Variants in CSGALNACT1 observed in about 807,000 individuals in gnomAD.
CSGALNACT1 encodes chondroitin sulfate N-acetylgalactosaminyltransferase 1.
Under a neutral mutation model 51.0 loss-of-function variants are expected in CSGALNACT1, and 52 were observed. The ratio of observed to expected loss-of-function variants is 1.02; its 90% CI spans 0.82 to 1.29. The LOEUF is 1.29. Among genes scored for constraint, CSGALNACT1 ranks in the 50% most tolerant of loss-of-function variants. The pLI is 0.00. For missense variants in CSGALNACT1, 935 were observed against 679.2 expected (o/e 1.38, Z -4.19); for synonymous variants, 341 against 254.4 (o/e 1.34, Z -3.24).
intron 1 of CSGALNACT1, among the ~76,000 whole-genome samples, chr8:19,750,944 T>C (rs1226007168): frequency 2.0e-5 from 3 of 152,260 alleles, no homozygotes; most frequent in East Asian, 3.9e-4. Context: ...TTGCTCTACA[T>C]TGCATTTTTG....
intron 4 of CSGALNACT1, among the ~76,000 whole-genome samples, chr8:19,503,320 C>G (rs1027865878): frequency 6.6e-6 from 1 of 152,146 alleles, no homozygotes; most frequent in Admixed American, 6.6e-5. Flanking sequence ...AAAAGAAGGT[C>G]AGCCAAGCCT....
chr8:19,630,863 A>G (rs1316202183), intron 1 of CSGALNACT1, among the ~76,000 whole-genome samples: 2 of 152,280 alleles, frequency 1.3e-5, no homozygotes, highest in East Asian at 1.9e-4. Flanking sequence ...ATCATAAACT[A>G]TGGAGATTTC....
chr8:19,408,093 G>C (rs1211353462), intron 9 of CSGALNACT1, among the ~76,000 whole-genome samples: 1 of 152,142 alleles, frequency 6.6e-6, no homozygotes, highest in East Asian at 1.9e-4. Context: ...GGAGGCTTAG[G>C]ATGTTCTACA....
chr8:19,476,353 C>T (rs1446110208), intron 4 of CSGALNACT1, among the ~76,000 whole-genome samples: 1 of 152,134 alleles, frequency 6.6e-6, no homozygotes, highest in African/African-American at 2.4e-5. Context: ...ATTCTCCTGC[C>T]TCAGCCTCCC....
At chr8:19,600,073 C>CCATT (rs145377849) in intron 2 of CSGALNACT1, among the ~76,000 whole-genome samples, 5,454 of 152,032 alleles carry the variant, frequency 0.036, 318 homozygotes, top group African/African-American at 0.12. Context: ...TTGCTGCTCA[C>CCATT]CATTCATTCA....
intron 8 of CSGALNACT1, among the ~76,000 whole-genome samples, chr8:19,415,840 G>C (rs1384917993): frequency 2.0e-5 from 3 of 152,156 alleles, no homozygotes; most frequent in Admixed American, 2.0e-4. Flanking sequence ...TAGAACTCTG[G>C]GAAAGGAAGC....
chr8:19,414,136 T>C (rs1420090692), intron 8 of CSGALNACT1, among the ~76,000 whole-genome samples: 1 of 152,114 alleles, frequency 6.6e-6, no homozygotes, highest in Non-Finnish European at 1.5e-5. Context: ...AATTGGCAAA[T>C]GCTATAAATC....
At chr8:19,572,015 A>G (rs1334524120) in intron 3 of CSGALNACT1, among the ~76,000 whole-genome samples, 1 of 152,180 alleles carries the variant, frequency 6.6e-6, no homozygotes, top group Non-Finnish European at 1.5e-5. Context: ...GAACTTGCCA[A>G]TCATTTCCTA....
At chr8:19,522,640 C>A (rs1410656196) in intron 3 of CSGALNACT1, among the ~76,000 whole-genome samples, 2 of 152,186 alleles carry the variant, frequency 1.3e-5, no homozygotes, top group Non-Finnish European at 2.9e-5. Context: ...TCTGCACCAG[C>A]AACTTACCAG....
At chr8:19,487,631 AC>A (rs1415749752) in intron 4 of CSGALNACT1, among the ~76,000 whole-genome samples, 26 of 152,294 alleles carry the variant, frequency 1.7e-4, no homozygotes, top group African/African-American at 6.0e-4. Flanking sequence ...CCGAAAAGCC[AC>A]CTCTCTTACA....
chr8:19,518,746 G>A (rs1297682837), intron 3 of CSGALNACT1, among the ~76,000 whole-genome samples: 1 of 152,146 alleles, frequency 6.6e-6, no homozygotes, highest in African/African-American at 2.4e-5. Context: ...CAATGTAGCT[G>A]CTTCACTTCC....
chr8:19,574,344 T>C (rs1363235205), intron 3 of CSGALNACT1, among the ~76,000 whole-genome samples: 1 of 152,208 alleles, frequency 6.6e-6, no homozygotes, highest in Non-Finnish European at 1.5e-5. Flanking sequence ...CAATGGTCTC[T>C]TGCAACAACT....
intron 1 of CSGALNACT1, among the ~76,000 whole-genome samples, chr8:19,689,203 A>T (rs1428776077): frequency 6.6e-6 from 1 of 152,164 alleles, no homozygotes; most frequent in African/African-American, 2.4e-5. Flanking sequence ...AAAAGACTGT[A>T]TTATAGTTCT....
chr8:19,520,768 C>T (rs1476723620), intron 3 of CSGALNACT1, among the ~76,000 whole-genome samples: 3 of 152,188 alleles, frequency 2.0e-5, no homozygotes, highest in African/African-American at 7.2e-5. Context: ...TCTCCATCTT[C>T]CTTTTAACTT....
intron 1 of CSGALNACT1, among the ~76,000 whole-genome samples, chr8:19,619,541 C>T (rs1206169373): frequency 6.6e-6 from 1 of 151,970 alleles, no homozygotes; most frequent in African/African-American, 2.4e-5. Context: ...AAGGTTCCAG[C>T]AGTTACCCAA....
chr8:19,424,933 C>G (rs542294566), intron 6 of CSGALNACT1, among the ~76,000 whole-genome samples: 6 of 152,190 alleles, frequency 3.9e-5, no homozygotes, highest in Non-Finnish European at 7.3e-5. Flanking sequence ...CTGCTTCCCC[C>G]CTTCCAAGTA....
chr8:19,676,516 T>C (rs1225719192), intron 1 of CSGALNACT1, among the ~76,000 whole-genome samples: 1 of 152,196 alleles, frequency 6.6e-6, no homozygotes, highest in Non-Finnish European at 1.5e-5. Flanking sequence ...AACTATTCTA[T>C]CTGAAGAACA....
At chr8:19,715,270 C>T (rs887910325) in intron 1 of CSGALNACT1, among the ~76,000 whole-genome samples, 15 of 152,128 alleles carry the variant, frequency 9.9e-5, no homozygotes, top group East Asian at 1.9e-4. Flanking sequence ...TCCCACAACA[C>T]GTGGGAATTA....
intron 3 of CSGALNACT1, among the ~76,000 whole-genome samples, chr8:19,540,923 G>A (rs921079016): frequency 1.3e-5 from 2 of 152,102 alleles, no homozygotes; most frequent in African/African-American, 4.8e-5. Flanking sequence ...CCTCCACTGA[G>A]CTATAGCTGC....
Sources: gnomAD v4.1 joint callset for allele counts (sites outside exome capture counted in the v4.1 genomes callset) on GRCh38, gnomAD v4.1.1 for gene constraint, MANE v1.5 for transcripts, NCBI Gene and HGNC (gene_info 2026-07-23, HGNC 2026-07-21) for gene names.